SMYD3: variants seen among roughly 807,000 people sequenced by gnomAD.
The protein encoded by SMYD3 is histone-lysine N-methyltransferase SMYD3.
In SMYD3, 36 loss-of-function variants were observed where a neutral mutation model predicts 57.7. That is an observed-to-expected ratio of 0.62 (90% CI 0.48 to 0.82). SMYD3 has a LOEUF of 0.82. SMYD3 is among the 40% of genes least tolerant of loss of function. The pLI is 0.00. For missense variants in SMYD3, 515 were observed against 538.8 expected, an observed-to-expected ratio of 0.96 and a Z score of 0.44; for synonymous variants, 211 against 195.0, an observed-to-expected ratio of 1.08 and a Z score of -0.68.
intron 10 of SMYD3, among the ~76,000 whole-genome samples, chr1:245,822,879 C>G (rs1194904637): frequency 6.6e-6 from 1 of 152,208 alleles, no homozygotes; most frequent in Admixed American, 6.5e-5. Flanking sequence ...CAAATCTCTA[C>G]TAGAACAGGG....
intron 5 of SMYD3, among the ~76,000 whole-genome samples, chr1:246,072,339 C>T (rs79048245): frequency 2.3e-5 from 2 of 86,582 alleles, no homozygotes; most frequent in Non-Finnish European, 4.8e-5. Flanking sequence ...TGCTCACTGT[C>T]GCTGCATCGT....
intron 5 of SMYD3, among the ~76,000 whole-genome samples, chr1:246,130,481 TAA>T (rs2061571584): frequency 6.6e-6 from 1 of 152,258 alleles, no homozygotes; most frequent in East Asian, 1.9e-4. Flanking sequence ...CTTTTAAAAT[TAA>T]AAACTGCATC....
At chr1:245,876,409 G>A (rs1299677217) in intron 8 of SMYD3, among the ~76,000 whole-genome samples, 1 of 152,146 alleles carries the variant, frequency 6.6e-6, no homozygotes, top group Non-Finnish European at 1.5e-5. Flanking sequence ...GCACAGTCTG[G>A]GCCAAGGACC....
intron 10 of SMYD3, among the ~76,000 whole-genome samples, chr1:245,837,713 C>T (rs78823495): frequency 0.016 from 2,442 of 152,198 alleles, 88 homozygotes; most frequent in Admixed American, 0.091. Flanking sequence ...AAACTCAGCC[C>T]GAGACACCCG....
intron 5 of SMYD3, among the ~76,000 whole-genome samples, chr1:246,205,683 G>C (rs934776558): frequency 6.6e-6 from 1 of 152,114 alleles, no homozygotes; most frequent in African/African-American, 2.4e-5. Context: ...AGCTGGGCAT[G>C]GTGGCGAGCG....
At chr1:246,164,716 A>G (rs931224769) in intron 5 of SMYD3, among the ~76,000 whole-genome samples, 1 of 152,216 alleles carries the variant, frequency 6.6e-6, no homozygotes, top group African/African-American at 2.4e-5. Flanking sequence ...CCTGAACAAG[A>G]CTGATAACGT....
chr1:246,087,393 G>C (rs139317240), intron 5 of SMYD3, among the ~76,000 whole-genome samples: 1 of 152,164 alleles, frequency 6.6e-6, no homozygotes, highest in African/African-American at 2.4e-5. Flanking sequence ...AGCACATTTG[G>C]TACTCATCAG....
intron 1 of SMYD3, among the ~76,000 whole-genome samples, chr1:246,424,968 C>T (rs2067197644): frequency 6.6e-6 from 1 of 152,102 alleles, no homozygotes; most frequent in South Asian, 2.1e-4. Context: ...TAATAGTAAT[C>T]AAGTACTAAC....
chr1:245,824,619 G>A (rs1311308934), intron 10 of SMYD3, among the ~76,000 whole-genome samples: 8 of 152,112 alleles, frequency 5.3e-5, no homozygotes, highest in Non-Finnish European at 7.4e-5. Flanking sequence ...ACTTTGGGAC[G>A]TCAAGGCAGG....
intron 5 of SMYD3, among the ~76,000 whole-genome samples, chr1:246,056,216 A>G (rs2060148729): frequency 6.6e-6 from 1 of 152,118 alleles, no homozygotes; most frequent in South Asian, 2.1e-4. Flanking sequence ...GGAAAAAAAG[A>G]CACTAGCAAA....
chr1:246,146,427 A>G lies in SMYD3; in HGVS notation c.531+180774T>C, dbSNP rs113926249. On this transcript the variant is annotated intron_variant, in intron 5 of 11. Transcript: ENST00000490107. ...ACGTACCTGCACATGTGAGTTAACG[A>G]CAAGGGTTTGGGAAAGAGACCTCTG... Among the ~76,000 whole-genome samples, 1,315 of 152,316 alleles carry G rather than the reference A, an allele frequency of 8.6e-3. 13 individuals are homozygous for G. Among genetic ancestry groups the G allele is most frequent in the African/African-American group, 0.029 (1,222 of 41,558 alleles).
intron 5 of SMYD3, among the ~76,000 whole-genome samples, chr1:246,201,142 A>G (rs1420081360): frequency 6.6e-6 from 1 of 152,232 alleles, no homozygotes; most frequent in Non-Finnish European, 1.5e-5. Context: ...TGACAAGTAC[A>G]ATTCTTACAG....
intron 8 of SMYD3, among the ~76,000 whole-genome samples, chr1:245,880,056 C>G (rs1485730745): frequency 6.6e-6 from 1 of 150,984 alleles, no homozygotes; most frequent in Non-Finnish European, 1.5e-5. Context: ...CTGTACACGC[C>G]AGAGATAGCA....
chr1:246,213,148 T>A (rs1020936894), intron 5 of SMYD3, among the ~76,000 whole-genome samples: 10 of 152,104 alleles, frequency 6.6e-5, no homozygotes, highest in African/African-American at 2.2e-4. Context: ...CTTTCAACCT[T>A]CCTCAATCTC....
intron 5 of SMYD3, among the ~76,000 whole-genome samples, chr1:246,043,386 C>T (rs761455986): frequency 5.3e-5 from 8 of 152,200 alleles, no homozygotes; most frequent in African/African-American, 9.7e-5. Flanking sequence ...CCACTACAGA[C>T]ATTCAGAAAG....
intron 8 of SMYD3, among the ~76,000 whole-genome samples, chr1:245,892,581 G>A (rs9730119): frequency 1 from 151,960 of 152,346 alleles, 75,792 homozygotes; most frequent in Middle Eastern, 1. Context: ...CTGATGCTCC[G>A]GAACTAGAAC....
chr1:246,408,977 T>C (rs1206436711), intron 1 of SMYD3, among the ~76,000 whole-genome samples: 1 of 152,114 alleles, frequency 6.6e-6, no homozygotes, highest in Non-Finnish European at 1.5e-5. Context: ...GCCAAGTCTT[T>C]AAAGTATAAA....
chr1:246,114,904 ACAGGCG>A (rs1221689830), intron 5 of SMYD3, among the ~76,000 whole-genome samples: 9 of 105,522 alleles, frequency 8.5e-5, no homozygotes, highest in East Asian at 2.0e-4. Context: ...TACTAGGATT[ACAGGCG>A]TGAGCCTCCG....
At chr1:246,345,158 C>T (rs970059348) in intron 2 of SMYD3, among the ~76,000 whole-genome samples, 1 of 152,104 alleles carries the variant, frequency 6.6e-6, no homozygotes, top group Non-Finnish European at 1.5e-5. Context: ...TACCCCATAT[C>T]CAAAGAGTTT....
Sources: gnomAD v4.1 joint callset for allele counts (sites outside exome capture counted in the v4.1 genomes callset) on GRCh38, gnomAD v4.1.1 for gene constraint, MANE v1.5 for transcripts, NCBI Gene and HGNC (gene_info 2026-07-23, HGNC 2026-07-21) for gene names.